The following SLC25A37 variants were observed in gnomAD, a reference collection of about 807,000 sequenced individuals.
SLC25A37 encodes the protein mitoferrin-1.
Under a neutral mutation model 31.0 loss-of-function variants are expected in SLC25A37, and 17 were observed. The observed-to-expected ratio is 0.55, with a 90% CI of 0.38 to 0.82. The LOEUF is 0.82. SLC25A37 is among the 40% of genes least tolerant of loss of function. The pLI, the probability that SLC25A37 is intolerant of heterozygous loss-of-function variation, is 0.00. For synonymous variants in SLC25A37, 222 were observed against 193.0 expected (o/e 1.15, Z -1.24); for missense variants, 404 against 465.8 (o/e 0.87, Z 1.22).
Position 23,529,396 on chromosome 8 carries a change from C to T in SLC25A37, c.210+184C>T, listed in dbSNP as rs926340637. ...CCTGGGCGCCGCGCCTTCCGCCGAC[C>T]CCGCGAGGGTGCCCGGTCCTCGCCC... is the stretch of plus-strand genomic sequence containing the variant. On this transcript the variant is annotated intron_variant, in intron 1 of 3. Coordinates refer to ENST00000519973, the MANE Select transcript of SLC25A37 (RefSeq NM_016612.4). This position sits in a 1 kb window ranked among gnomAD's most constrained non-coding sequence, Gnocchi z 4.1. 6.6e-6 allele frequency among the ~76,000 whole-genome samples: 1 copy of T among 151,540 alleles called. No individual in the cohort carries two copies. The highest frequency in any genetic ancestry group is 2.4e-5 in the African/African-American group (1 of 41,378).
In SLC25A37 at chr8:23,542,377, C is replaced by T. The variant is rs201643157; in HGVS notation, c.210+13165C>T. 1.7e-3 allele frequency among the ~76,000 whole-genome samples: 197 copies of T among 118,098 alleles called. 1 individual carries two copies. Among genetic ancestry groups the T allele is most frequent in the African/African-American group, 6.5e-3 (184 of 28,324 alleles). 77.5% of individuals were successfully genotyped at this position (118,098 alleles called of 152,430 possible). A position where few individuals can be genotyped will look rare whatever the true frequency, so the allele number is the denominator to read the frequency against. On this transcript the variant is annotated intron_variant, in intron 1 of 3. Coordinates refer to ENST00000519973, the MANE Select transcript of SLC25A37 (RefSeq NM_016612.4). ...GTCATTACTTTAGAGTGTACTCCTA[C>T]TTTTTTTTTTTTTTTTTTGAGATGG... is the stretch of plus-strand genomic sequence containing the variant.
chr8:23,533,246 G>A (rs1345056707), intron 1 of SLC25A37, among the ~76,000 whole-genome samples: 2 of 152,164 alleles, frequency 1.3e-5, no homozygotes, highest in African/African-American at 4.8e-5. Flanking sequence ...AATTGGGGAG[G>A]GGCAGGCTGG....
rs1025761894 is a variant in SLC25A37 at position 23,571,323 on chromosome 8, T to C, written c.497-12T>C. On this transcript the variant is annotated splice_polypyrimidine_tract_variant and intron_variant, in intron 3 of 3. Transcript: ENST00000519973. ...GCTGTCCGTCTGGCCTGCCCCGCGG[T>C]TCCAACCACAGTGGTGAAGCAGCGC... is the stretch of plus-strand genomic sequence containing the variant. 1.2e-5 allele frequency: 19 copies of C among 1,554,322 alleles called. No homozygotes were observed. The highest frequency in any genetic ancestry group is 1.5e-5 in the Non-Finnish European group (17 of 1,148,880).
chr8:23,544,607 G>A (rs369465447), intron 1 of SLC25A37, among the ~76,000 whole-genome samples: 6 of 152,096 alleles, frequency 3.9e-5, no homozygotes, highest in East Asian at 1.9e-4. Flanking sequence ...GGGAGGAGTT[G>A]GGAAAGGCCC....
chr8:23,539,869 G>A (rs1801854470), intron 1 of SLC25A37, among the ~76,000 whole-genome samples: 1 of 152,218 alleles, frequency 6.6e-6, no homozygotes, highest in South Asian at 2.1e-4. Context: ...TCAAGTTCCT[G>A]AAACCTCTCT....
intron 1 of SLC25A37, among the ~76,000 whole-genome samples, chr8:23,542,497 G>C (rs1272975938): frequency 6.7e-6 from 1 of 150,270 alleles, no homozygotes; most frequent in African/African-American, 2.5e-5. Flanking sequence ...TCCTGCCTCA[G>C]CTTCCCAGAG....
intron 1 of SLC25A37, among the ~76,000 whole-genome samples, chr8:23,540,402 T>C (rs12548753): frequency 0.38 from 57,075 of 152,024 alleles, 12,417 homozygotes; most frequent in East Asian, 0.61. Context: ...ATTGTTGGGA[T>C]GGAGGAACCA....
At chr8:23,555,389 G>C (rs1170728644) in intron 1 of SLC25A37, among the ~76,000 whole-genome samples, 1 of 152,086 alleles carries the variant, frequency 6.6e-6, no homozygotes, top group African/African-American at 2.4e-5. Flanking sequence ...CTCCAGGTTG[G>C]ATGTGATCTG....
At chr8:23,553,841 C>T (rs1021930762) in intron 1 of SLC25A37, among the ~76,000 whole-genome samples, 1 of 152,194 alleles carries the variant, frequency 6.6e-6, no homozygotes. Flanking sequence ...GTAAGTTACA[C>T]TCTTGCAGCT....
intron 1 of SLC25A37, among the ~76,000 whole-genome samples, chr8:23,546,822 T>C (rs559895942): frequency 1.3e-5 from 2 of 151,976 alleles, no homozygotes; most frequent in East Asian, 3.9e-4. Context: ...GTTTTTAAAT[T>C]TTTTTTTCAA....
intron 1 of SLC25A37, among the ~76,000 whole-genome samples, chr8:23,539,575 C>T (rs551040325): frequency 3.7e-4 from 56 of 152,290 alleles, no homozygotes; most frequent in African/African-American, 1.3e-3. Flanking sequence ...GTGTGGGCCC[C>T]GTGAATTTAA....
In SLC25A37 at chr8:23,550,180, TC is replaced by T. The variant is rs1298770776; in HGVS notation, c.211-15927del. Among the ~76,000 whole-genome samples, 74 of 68,068 alleles carry T rather than the reference TC, an allele frequency of 1.1e-3. 2 individuals carry two copies. Among genetic ancestry groups the T allele is most frequent in the Non-Finnish European group, 1.4e-3 (55 of 39,682 alleles). The allele number at this position is 68,068 out of a possible 152,430, so 44.7% of individuals were successfully genotyped here. ...TGGGCAACAAGAGCGAAATTCCGTT[TC>T]AAAAAAAAAAAAAAAAAAAACACAA... On this transcript the variant is annotated intron_variant, in intron 1 of 3. Coordinates refer to ENST00000519973, the MANE Select transcript of SLC25A37 (RefSeq NM_016612.4).
chr8:23,550,629 G>A (rs528966707), intron 1 of SLC25A37, among the ~76,000 whole-genome samples: 4 of 152,370 alleles, frequency 2.6e-5, no homozygotes, highest in East Asian at 3.9e-4. Context: ...GACAGCTTAC[G>A]CGCAGCTAGG....
At chr8:23,549,668 G>A (rs1482191414) in intron 1 of SLC25A37, among the ~76,000 whole-genome samples, 1 of 152,182 alleles carries the variant, frequency 6.6e-6, no homozygotes, top group Non-Finnish European at 1.5e-5. Context: ...ATCCCTTCGA[G>A]CTGTGGCTTA....
chr8:23,540,536 A>G (rs535154576), intron 1 of SLC25A37, among the ~76,000 whole-genome samples: 1 of 152,306 alleles, frequency 6.6e-6, no homozygotes, highest in East Asian at 1.9e-4. Flanking sequence ...AGGAAGAAGG[A>G]TGATGACATA....
At chr8:23,553,511 C>T (rs1036837543) in intron 1 of SLC25A37, among the ~76,000 whole-genome samples, 4 of 152,158 alleles carry the variant, frequency 2.6e-5, no homozygotes, top group South Asian at 2.1e-4. Context: ...GTTTATGGGC[C>T]GGTGACATTG....
intron 1 of SLC25A37, among the ~76,000 whole-genome samples, chr8:23,546,587 ATATATATATAGTGTATGTGTGTG>A (rs1802067529): frequency 1.5e-5 from 1 of 68,166 alleles, no homozygotes; most frequent in African/African-American, 9.7e-5. Context: ...TATATAGTGT[ATATATATATAGTGTATGTGTGTG>A]TGTGTGTGTG....
At chr8:23,536,113 C>T (rs866187684) in intron 1 of SLC25A37, among the ~76,000 whole-genome samples, 10 of 152,192 alleles carry the variant, frequency 6.6e-5, no homozygotes. Context: ...TGTCCCCTCA[C>T]TCTTGAGTGA....
Position 23,566,242 on chromosome 8 carries a change from G to T in SLC25A37, c.345G>T (p.Gly115=). Residue 115 remains glycine, a synonymous_variant, in exon 2 of 4, where the codon GGG becomes GGT. Transcript: ENST00000519973. The part of the protein sequence containing the change: ...RGVNVMIMGA[G]PAHAMYFACY... ...TCAACGTCATGATCATGGGTGCAGG[G>T]CCGGCCCATGCCATGTATTTTGCCT... 2 of 1,602,584 alleles carry T rather than the reference G, an allele frequency of 1.2e-6. No individual in the cohort carries two copies.
Sources: gnomAD v4.1 joint callset for allele counts (sites outside exome capture counted in the v4.1 genomes callset) on GRCh38, gnomAD v4.1.1 for gene constraint, Gnocchi (gnomAD v3.1) non-coding constraint, MANE v1.5 for transcripts, NCBI Gene and HGNC (gene_info 2026-07-23, HGNC 2026-07-21) for gene names.